Variants in TM2D1 observed in about 807,000 individuals in gnomAD.
TM2D1 encodes the protein TM2 domain containing 1, also known as TM2 domain-containing protein 1.
In TM2D1, 15 loss-of-function variants were observed where a neutral mutation model predicts 28.4. The observed-to-expected ratio is 0.53, with a 90% CI of 0.35 to 0.81. TM2D1 has a LOEUF of 0.81. Ranked by LOEUF, TM2D1 falls within the 40% of genes least tolerant of loss-of-function variation. TM2D1 has a pLI of 0.01. For missense variants in TM2D1, 236 were observed against 254.9 expected (o/e 0.93, Z 0.50); for synonymous variants, 93 against 96.2 (o/e 0.97, Z 0.20).
chr1:61,699,976 TG>T, intron 4 of TM2D1: 1 of 612,618 alleles, frequency 1.6e-6, no homozygotes, highest in Non-Finnish European at 2.4e-6. Flanking sequence ...GGTAGCAACA[TG>T]GAAGAAATAA....
At chr1:61,707,377 A>T (rs1204945596) in intron 3 of TM2D1, among the ~76,000 whole-genome samples, 1 of 152,208 alleles carries the variant, frequency 6.6e-6, no homozygotes, top group Admixed American at 6.5e-5. Context: ...GTAACAGACC[A>T]TTCTGGTGTT....
rs143471202 is a variant in TM2D1 at position 61,721,074 on chromosome 1, A to T, written c.238+2639T>A. 7.0e-3 allele frequency among the ~76,000 whole-genome samples: 1,060 copies of T among 152,018 alleles called. 7 individuals carry two copies. The highest frequency in any genetic ancestry group is 0.012 in the Non-Finnish European group (802 of 67,970). On this transcript the variant is annotated intron_variant, in intron 2 of 6. Coordinates refer to ENST00000606498, the MANE Select transcript of TM2D1 (RefSeq NM_032027.3). ...TCGCTACTCACCCCTCCAAAAAAAT[A>T]CAAAAAATTAGCCAGGTGTAGTGGC...
chr1:61,724,914 C>CTCTA (rs1213344605), intron 1 of TM2D1, 43 bp downstream of exon 1: 8 of 1,540,808 alleles, frequency 5.2e-6, no homozygotes, highest in Non-Finnish European at 7.0e-6. Flanking sequence ...GCGACCCCAA[C>CTCTA]TCTACCTCGC....
intron 1 of TM2D1, among the ~76,000 whole-genome samples, chr1:61,724,736 G>A (rs7554012): frequency 0.057 from 8,629 of 152,180 alleles, 751 homozygotes; most frequent in African/African-American, 0.19. Context: ...AAGAGGAAGC[G>A]CCAATGACTA....
At chr1:61,717,207 A>C (rs75010489) in intron 2 of TM2D1, among the ~76,000 whole-genome samples, 34,962 of 149,114 alleles carry the variant, frequency 0.23, 4,170 homozygotes, top group South Asian at 0.38. Context: ...CAAAACAAAA[A>C]AAAAAAAACA....
rs751636109 is a variant in TM2D1, at chr1:61,725,104, G to A, written c.17C>T (p.Pro6Leu). Residue 6 changes from proline (P) to leucine (L), a missense_variant, in exon 1 of 7, where the codon CCG (proline) becomes CTG (leucine). Physicochemically the swap from Pro to Leu is moderately conservative, Grantham distance 98. Around this residue, in one of 3 missense-constraint regions of TM2D1, gnomAD observed 167 missense variants for 162.7 expected, o/e 1.03. Transcript: ENST00000606498. Reference sequence around the variant, plus strand: ...GGCCTCCGGAGCAGACGGACCAGACGGCCAGGCGGCCGCCATCTTGGAGAC... The same window carrying A: ...GGCCTCCGGAGCAGACGGACCAGACAGCCAGGCGGCCGCCATCTTGGAGAC... MAAAW[P>L]SGPSAPEAVT... The A allele has an allele frequency of 1.3e-4, 215 of 1,613,456 alleles. No individual in the cohort carries two copies. The highest frequency in any genetic ancestry group is 1.6e-4 in the Non-Finnish European group (189 of 1,179,888).
At chr1:61,689,021 A>G (rs1361862272) in intron 5 of TM2D1, among the ~76,000 whole-genome samples, 1 of 152,232 alleles carries the variant, frequency 6.6e-6, no homozygotes, top group African/African-American at 2.4e-5. Flanking sequence ...TGGGCAACAG[A>G]GCAAGACTCC....
At chr1:61,696,686 G>C (rs919436274) in intron 4 of TM2D1, among the ~76,000 whole-genome samples, 3 of 152,078 alleles carry the variant, frequency 2.0e-5, no homozygotes, top group South Asian at 2.1e-4. Flanking sequence ...TTCCAAGGAT[G>C]TTCTTCCTTT....
intron 6 of TM2D1, 169 bp downstream of exon 6, chr1:61,683,248 C>A: frequency 3.4e-6 from 1 of 294,468 alleles, no homozygotes. Flanking sequence ...CCGAAGGAGC[C>A]ATGAGCGTGG....
chr1:61,694,594 C>T (rs1644351012), intron 5 of TM2D1, 103 bp downstream of exon 5: 1 of 697,164 alleles, frequency 1.4e-6, no homozygotes, highest in African/African-American at 1.9e-5. Context: ...AACAACCATT[C>T]TTCTCTGCTT....
intron 2 of TM2D1, among the ~76,000 whole-genome samples, chr1:61,719,171 T>C (rs1644542712): frequency 6.6e-6 from 1 of 151,958 alleles, no homozygotes; most frequent in African/African-American, 2.4e-5. Context: ...CTGACTCAGT[T>C]ATCAGCCTCC....
chr1:61,716,622 T>G (rs1488663308), intron 2 of TM2D1, among the ~76,000 whole-genome samples: 2 of 148,616 alleles, frequency 1.3e-5, no homozygotes, highest in Non-Finnish European at 3.0e-5. Flanking sequence ...GAGAGTTAGA[T>G]TCCCCACTCT....
chr1:61,683,524 C>G lies in TM2D1; in HGVS notation c.536G>C (p.Ser179Thr). 6.5e-7 allele frequency: 1 copy of G among 1,527,990 alleles called. No individual in the cohort carries two copies. Among genetic ancestry groups the G allele is most frequent in the Non-Finnish European group, 8.8e-7 (1 of 1,136,160 alleles). The allele number at this position is 1,527,990 out of a possible 1,614,324, so 94.7% of individuals were successfully genotyped here. ...SMQIVGPSDG[S>T]SYIIDYYGTR... ...TCCATAGTAATCTATAATGTAACTA[C>G]TTCCATCTGAAGGTCCAACAATCTA... Residue 179 changes from serine (S) to threonine (T), a missense_variant, in exon 6 of 7, where the codon AGT becomes ACT. Around this residue, in one of 3 missense-constraint regions of TM2D1, gnomAD observed 64 missense variants for 73.1 expected, o/e 0.88. Coordinates refer to ENST00000606498, the MANE Select transcript of TM2D1 (RefSeq NM_032027.3).
Position 61,725,040 on chromosome 1 carries a change from T to C in TM2D1, c.81A>G (p.Ser27=), listed in dbSNP as rs1354992567. 3 of 1,613,890 alleles carry C rather than the reference T, an allele frequency of 1.9e-6. No individual in the cohort carries two copies. The African/African-American group carries it at 4.0e-5, about 22-fold the overall frequency. ...ARLVGVLWFV[S]VTTGPWGAVA... is the part of the protein sequence containing the mutation. ...CAGCCCCCCAGGGTCCTGTAGTGAC[T>C]GAGACGAACCACAGGACACCAACGA... The change falls in exon 1 of 7, where the codon TCA becomes TCG. Residue 27 remains serine (S), a synonymous_variant. Transcript: ENST00000606498.
chr1:61,683,676 T>C (rs936913387), intron 5 of TM2D1, 130 bp from the exon 6 acceptor site: 12 of 507,146 alleles, frequency 2.4e-5, no homozygotes, highest in East Asian at 3.9e-5. Flanking sequence ...TAAGCAAAAA[T>C]AGGTAATTTA....
At position 61,683,463 on chromosome 1, in the gene TM2D1, T is replaced by C. The variant is rs754246573; in HGVS notation, c.597A>G (p.Thr199=). 6.0e-6 allele frequency: 9 copies of C among 1,491,944 alleles called. No homozygotes were observed. In the South Asian group the frequency reaches 8.4e-5, roughly 14 times the overall value. 92.4% of individuals were successfully genotyped at this position (1,491,944 alleles called of 1,614,324 possible). The stretch of plus-strand genomic sequence containing the variant: ...ATGGATATAATTGCGTTTTTCTAAA[T>C]GTTTCATTAGTAATACTCAGTCTTG... ...RLTRLSITNE[T]FRKTQLYP The change falls in exon 6 of 7, where the codon ACA becomes ACG. Residue 199 remains threonine (T), a synonymous_variant. Transcript: ENST00000606498.
At chr1:61,692,354 A>G (rs1644334147) in intron 5 of TM2D1, among the ~76,000 whole-genome samples, 1 of 152,084 alleles carries the variant, frequency 6.6e-6, no homozygotes, top group South Asian at 2.1e-4. Context: ...TAGGTCTTGA[A>G]TCCATGCCCG....
chr1:61,715,680 AAAG>A (rs1644512363), intron 2 of TM2D1, among the ~76,000 whole-genome samples: 1 of 147,624 alleles, frequency 6.8e-6, no homozygotes, highest in Non-Finnish European at 1.5e-5. Flanking sequence ...AAAAAACAAG[AAAG>A]AAGGAAAAAA....
chr1:61,708,646 A>G (rs772835540), intron 3 of TM2D1, among the ~76,000 whole-genome samples: 5 of 152,212 alleles, frequency 3.3e-5, no homozygotes, highest in African/African-American at 7.2e-5. Flanking sequence ...CTTTATGTGC[A>G]AAAAATTAAT....
Sources: allele counts gnomAD v4.1 joint callset (sites outside exome capture counted in the v4.1 genomes callset), GRCh38; gene constraint gnomAD v4.1.1; regional missense constraint gnomAD v4.1.1; transcripts MANE v1.5; gene names NCBI Gene and HGNC (gene_info 2026-07-23, HGNC 2026-07-21).